The following ITSN1 variants were observed in gnomAD, a reference collection of about 807,000 sequenced individuals.
ITSN1 encodes the protein intersectin 1, also known as intersectin-1.
Under a neutral mutation model 239.8 loss-of-function variants are expected in ITSN1, and 58 were observed. The observed-to-expected ratio is 0.24, with a 90% CI of 0.20 to 0.30. The LOEUF (loss-of-function observed/expected upper bound fraction) is 0.30, where lower values mean the gene tolerates loss of function less well. Ranked by LOEUF, ITSN1 falls within the 10% of genes least tolerant of loss-of-function variation. ITSN1 has a pLI of 1.00. For missense variants in ITSN1, 1,558 were observed against 2,103.3 expected, an observed-to-expected ratio of 0.74 and a Z score of 5.07; for synonymous variants, 780 against 770.8, an observed-to-expected ratio of 1.01 and a Z score of -0.20.
At chr21:33,643,620 G>A (rs952868403) in intron 1 of ITSN1, 7 of 152,096 alleles carry the variant, frequency 4.6e-5, no homozygotes, top group Non-Finnish European at 1.0e-4. Context: ...GGAGTTGGAG[G>A]CTATAGAGAT....
intron 1 of ITSN1, among the ~76,000 whole-genome samples, chr21:33,655,838 G>T (rs963052103): frequency 2.6e-5 from 4 of 151,968 alleles, no homozygotes; most frequent in Admixed American, 6.6e-5. Flanking sequence ...CTGTGTCGTG[G>T]TGATGTCATG....
intron 33 of ITSN1, among the ~76,000 whole-genome samples, chr21:33,868,661 A>G (rs1327731368): frequency 6.6e-6 from 1 of 152,224 alleles, no homozygotes; most frequent in African/African-American, 2.4e-5. Flanking sequence ...CTGGCCCGCA[A>G]GCGCCGCACG....
intron 22 of ITSN1, 155 bp downstream of exon 22, chr21:33,814,227 C>T: frequency 4.7e-6 from 2 of 430,056 alleles, no homozygotes; most frequent in Non-Finnish European, 4.2e-6. Context: ...AGCCAGAAAT[C>T]TGCTGTGAAT....
At chr21:33,868,108 C>A (rs561108875) in intron 33 of ITSN1, among the ~76,000 whole-genome samples, 1 of 152,326 alleles carries the variant, frequency 6.6e-6, no homozygotes, top group African/African-American at 2.4e-5. Context: ...TGCTTTTATT[C>A]TCTTATCTGG....
intron 1 of ITSN1, among the ~76,000 whole-genome samples, chr21:33,688,056 C>CA (rs2091333096): frequency 6.7e-6 from 1 of 149,652 alleles, no homozygotes; most frequent in Non-Finnish European, 1.5e-5. Flanking sequence ...ATAAAGTTTT[C>CA]AAAAAATCAT....
chr21:33,810,925 C>CTA, intron 20 of ITSN1, 50 bp from the exon 21 acceptor site: 5 of 1,612,094 alleles, frequency 3.1e-6, no homozygotes, highest in Non-Finnish European at 3.4e-6. Flanking sequence ...GGTGCTGGGT[C>CTA]TATTCAGGGG....
intron 28 of ITSN1, among the ~76,000 whole-genome samples, chr21:33,834,931 C>G (rs73900374): frequency 0.032 from 4,847 of 152,216 alleles, 260 homozygotes; most frequent in African/African-American, 0.11. Context: ...ATGTTGTACT[C>G]ACTTTCCTGG....
chr21:33,805,270 A>G (rs2072324966), intron 20 of ITSN1, among the ~76,000 whole-genome samples: 1 of 152,256 alleles, frequency 6.6e-6, no homozygotes, highest in African/African-American at 2.4e-5. Flanking sequence ...GTCATTAGCC[A>G]GTCAGTTCAT....
At chr21:33,688,258 T>C (rs2091345304) in intron 1 of ITSN1, among the ~76,000 whole-genome samples, 2 of 152,302 alleles carry the variant, frequency 1.3e-5, no homozygotes, top group East Asian at 1.9e-4. Context: ...TTGGAACGTA[T>C]GTGGGTTCAA....
At chr21:33,734,275 A>G (rs2066361371) in intron 4 of ITSN1, among the ~76,000 whole-genome samples, 1 of 152,206 alleles carries the variant, frequency 6.6e-6, no homozygotes, top group Admixed American at 6.5e-5. Context: ...TCTTAGCCAA[A>G]AGGCCGAGAA....
At position 33,661,254 on chromosome 21, in the gene ITSN1, G is replaced by A. The variant is rs772382643; in HGVS notation, c.-33+18541G>A. On this transcript the variant is annotated intron_variant, in intron 1 of 39. Transcript: ENST00000381318. The stretch of plus-strand genomic sequence containing the variant: ...ATCGAGTTCCTGTAAAAAAAAAATG[G>A]CTAGTTTAGCTCACAACTCAAATGA... Among the ~76,000 whole-genome samples the A allele has an allele frequency of 1.8e-4, 28 of 152,128 alleles. No homozygotes were observed. In the South Asian group the frequency reaches 2.1e-3, roughly 11 times the overall value.
At position 33,722,433 on chromosome 21, in the gene ITSN1, C is replaced by G. The variant is rs186767818; in HGVS notation, c.122-155C>G. ...GTGCTGATGGATTCTTTTACTGTTGCCTATGGGCTTATCCTTGGACTTTTA... is the reference window on the plus strand; with the variant it reads ...GTGCTGATGGATTCTTTTACTGTTGGCTATGGGCTTATCCTTGGACTTTTA... On this transcript the variant is annotated intron_variant, in intron 3 of 39. Coordinates refer to ENST00000381318, the MANE Select transcript of ITSN1 (RefSeq NM_003024.3). Among the ~76,000 whole-genome samples the G allele has an allele frequency of 4.1e-4, 63 of 152,128 alleles. No individual in the cohort carries two copies. In the Middle Eastern group the frequency reaches 0.017, roughly 41 times the overall value.
chr21:33,885,319 GA>G (rs984239116), intron 37 of ITSN1, 119 bp from the exon 38 acceptor site: 2 of 1,083,860 alleles, frequency 1.8e-6, no homozygotes, highest in African/African-American at 3.1e-5. Flanking sequence ...AGTGTTTAAG[GA>G]GAGGGAAGAA....
chr21:33,840,303 T>C (rs979040137), intron 29 of ITSN1, among the ~76,000 whole-genome samples: 3 of 152,200 alleles, frequency 2.0e-5, no homozygotes, highest in Non-Finnish European at 2.9e-5. Flanking sequence ...GTATCTCCTA[T>C]GGCCTCAGAG....
chr21:33,719,340 C>G (rs1366461096), intron 2 of ITSN1, among the ~76,000 whole-genome samples: 1 of 152,142 alleles, frequency 6.6e-6, no homozygotes, highest in Non-Finnish European at 1.5e-5. Context: ...ACTTGGGAGG[C>G]TGAGGCAGGA....
intron 33 of ITSN1, among the ~76,000 whole-genome samples, chr21:33,874,287 G>A (rs1983296532): frequency 6.6e-6 from 1 of 151,980 alleles, no homozygotes; most frequent in South Asian, 2.1e-4. Context: ...ACCCCAAATG[G>A]TCTGCTTAGA....
chr21:33,716,343 G>A (rs866873059), intron 1 of ITSN1: 1 of 152,346 alleles, frequency 6.6e-6, no homozygotes, highest in East Asian at 1.9e-4. Context: ...GAGAGGTGAA[G>A]CACGGGATTG....
chr21:33,807,547 C>G (rs1418341811), intron 20 of ITSN1, among the ~76,000 whole-genome samples: 1 of 152,104 alleles, frequency 6.6e-6, no homozygotes, highest in African/African-American at 2.4e-5. Context: ...CAGCCTGAAA[C>G]TCCTGACCTC....
At position 33,797,435 on chromosome 21, in the gene ITSN1, A is replaced by G; in HGVS notation, c.2009A>G (p.His670Arg). The change falls in exon 18 of 40, where the codon CAT (histidine) becomes CGT (arginine). Residue 670 changes from histidine (H) to arginine (R), a missense_variant. His to Arg is a conservative substitution (Grantham distance 29). Transcript: ENST00000381318. The surrounding 1 kb of genome is among the most constrained non-coding windows in gnomAD (Gnocchi z 4.9). ...WLEHVQQEDE[H>R]QRPRKLHEEE... is the part of the protein sequence containing the mutation. The stretch of plus-strand genomic sequence containing the variant: ...GAGCATGTGCAGCAGGAGGACGAGC[A>G]TCAGAGACCAAGAAAACTCCACGAA... 6.2e-7 allele frequency: 1 copy of G among 1,614,156 alleles called. No homozygotes were observed. Among genetic ancestry groups the G allele is most frequent in the Non-Finnish European group, 8.5e-7 (1 of 1,180,020 alleles).
Sources: gnomAD v4.1 joint callset for allele counts (sites outside exome capture counted in the v4.1 genomes callset) on GRCh38, gnomAD v4.1.1 for gene constraint, Gnocchi (gnomAD v3.1) non-coding constraint, MANE v1.5 for transcripts, NCBI Gene and HGNC (gene_info 2026-07-23, HGNC 2026-07-21) for gene names.